Variants in ELAVL3 observed in about 807,000 individuals in gnomAD.
ELAVL3 encodes the protein ELAV-like protein 3.
Under a neutral mutation model 34.2 loss-of-function variants are expected in ELAVL3, and 8 were observed. The ratio of observed to expected loss-of-function variants is 0.23; its 90% CI spans 0.14 to 0.42. The LOEUF (loss-of-function observed/expected upper bound fraction) is 0.42, where lower values mean the gene tolerates loss of function less well. ELAVL3 is among the 10% of genes least tolerant of loss of function. The pLI is 1.00. For missense variants in ELAVL3, 273 were observed against 518.8 expected (o/e 0.53, Z 4.60); for synonymous variants, 209 against 222.1 (o/e 0.94, Z 0.53).
At chr19:11,474,764 A>C (rs2144911831) in intron 1 of ELAVL3, among the ~76,000 whole-genome samples, 1 of 152,246 alleles carries the variant, frequency 6.6e-6, no homozygotes, top group East Asian at 1.9e-4. Context: ...CAATCCTCTC[A>C]TCTCAGCCTC....
At position 11,451,482 on chromosome 19, in the gene ELAVL3, C is replaced by CTTTTG. The variant is rs1417765085; in HGVS notation, c.*3039_*3043dup. ...TGTTGGGTTTTTTTTTTTTTTTTGT[C>CTTTTG]TTTTGTTTTGTCTTTTTTTTTTTTT... On this transcript the variant is annotated 3_prime_UTR_variant, in exon 7 of 7. Transcript: ENST00000359227. The CTTTTG allele has an allele frequency of 1.2e-5, 1 of 82,844 alleles. No homozygotes were observed. Among genetic ancestry groups the CTTTTG allele is most frequent in the African/African-American group, 4.5e-5 (1 of 22,012 alleles). The allele number at this position is 82,844 out of a possible 1,614,324, so 5.1% of individuals were successfully genotyped here.
chr19:11,473,618 A>G (rs1971209383), intron 1 of ELAVL3, among the ~76,000 whole-genome samples: 1 of 152,190 alleles, frequency 6.6e-6, no homozygotes, highest in Non-Finnish European at 1.5e-5. Context: ...ATTCACAACA[A>G]TCCTAAAAAG....
rs1448552959 is a variant in ELAVL3 at position 11,480,784 on chromosome 19, C to T, written c.-176G>A. On this transcript the variant is annotated 5_prime_UTR_variant, in exon 1 of 7. Coordinates refer to ENST00000359227, the MANE Select transcript of ELAVL3 (RefSeq NM_001420.4). This position sits in a 1 kb window ranked among gnomAD's most constrained non-coding sequence, Gnocchi z 6.8. Reference sequence around the variant, plus strand: ...CGAGGGCCAGGGACGGGCCCGAACCCGGGGATGCGCGCGCGGATGGCCGGG... The same window carrying T: ...CGAGGGCCAGGGACGGGCCCGAACCTGGGGATGCGCGCGCGGATGGCCGGG... 1 of 492,662 alleles carries T rather than the reference C, an allele frequency of 2.0e-6. No homozygotes were observed. The highest frequency in any genetic ancestry group is 2.0e-5 in the African/African-American group (1 of 50,006). 30.5% of individuals were successfully genotyped at this position (492,662 alleles called of 1,614,324 possible).
At chr19:11,456,698 C>T (rs1348197155) in intron 6 of ELAVL3, among the ~76,000 whole-genome samples, 1 of 150,780 alleles carries the variant, frequency 6.6e-6, no homozygotes, top group Non-Finnish European at 1.5e-5. Flanking sequence ...AGGTCTCGCT[C>T]TGTCACCCAG....
chr19:11,472,645 G>C (rs1250970914), intron 1 of ELAVL3, among the ~76,000 whole-genome samples: 1 of 151,902 alleles, frequency 6.6e-6, no homozygotes, highest in African/African-American at 2.4e-5. Context: ...AGGTTGCAGT[G>C]AGCCATGATG....
chr19:11,454,340 A>T lies in ELAVL3; in HGVS notation c.*186T>A. The stretch of plus-strand genomic sequence containing the variant: ...GCGGGGGATCCCCGGGCACCCCCCC[A>T]ATTCCCTGCAGACCCTCCCACCCCA... On this transcript the variant is annotated 3_prime_UTR_variant, in exon 7 of 7. Transcript: ENST00000359227. The surrounding 1 kb of genome is among the most constrained non-coding windows in gnomAD (Gnocchi z 9.2). 1 of 610,918 alleles carries T rather than the reference A, an allele frequency of 1.6e-6. No homozygotes were observed. The highest frequency in any genetic ancestry group is 1.8e-5 in the African/African-American group (1 of 54,236). 37.8% of individuals were successfully genotyped at this position (610,918 alleles called of 1,614,324 possible).
Position 11,454,963 on chromosome 19 carries a change from A to C in ELAVL3, c.753-86T>G. The C allele has an allele frequency of 7.1e-7, 1 of 1,417,778 alleles. No individual in the cohort carries two copies. The highest frequency in any genetic ancestry group is 9.5e-7 in the Non-Finnish European group (1 of 1,053,746). 87.8% of individuals were successfully genotyped at this position (1,417,778 alleles called of 1,614,324 possible). On this transcript the variant is annotated intron_variant, in intron 6 of 6. Transcript: ENST00000359227. This position sits in a 1 kb window ranked among gnomAD's most constrained non-coding sequence, Gnocchi z 9.2. ...ACCCTTCACACCTTTATGACCCCTG[A>C]CTGTGCCATGACCTTGGAATGGTGT...
At chr19:11,471,839 T>C (rs1003927851) in intron 1 of ELAVL3, among the ~76,000 whole-genome samples, 7 of 152,206 alleles carry the variant, frequency 4.6e-5, no homozygotes, top group Non-Finnish European at 1.0e-4. Flanking sequence ...CTAGGGCCTC[T>C]GTTTCACTTT....
At chr19:11,465,906 C>G (rs1225001250) in intron 3 of ELAVL3, among the ~76,000 whole-genome samples, 1 of 152,078 alleles carries the variant, frequency 6.6e-6, no homozygotes, top group Admixed American at 6.6e-5. Flanking sequence ...CTCTGCCTTA[C>G]AGGGCCTGGC....
At chr19:11,469,521 C>T (rs1238662848) in intron 1 of ELAVL3, among the ~76,000 whole-genome samples, 7 of 152,086 alleles carry the variant, frequency 4.6e-5, no homozygotes, top group Non-Finnish European at 7.4e-5. Flanking sequence ...CTCAGGTGAT[C>T]CACCCGCCTC....
rs1305873417 is a variant in ELAVL3, at chr19:11,480,871, G to A, written c.-263C>T. 1.1e-5 allele frequency: 4 copies of A among 362,062 alleles called. No homozygotes were observed. The highest frequency in any genetic ancestry group is 4.7e-5 in the Admixed American group (1 of 21,426). The allele number at this position is 362,062 out of a possible 1,614,324, so 22.4% of individuals were successfully genotyped here. On this transcript the variant is annotated 5_prime_UTR_variant, in exon 1 of 7. Coordinates refer to ENST00000359227, the MANE Select transcript of ELAVL3 (RefSeq NM_001420.4). This position sits in a 1 kb window ranked among gnomAD's most constrained non-coding sequence, Gnocchi z 6.8. The stretch of plus-strand genomic sequence containing the variant: ...AGGGAGCGGGCGCGGGGTTGAGGAC[G>A]CCCCCTGCGCGGCCCCGCGGGGCCC...
chr19:11,472,993 G>C (rs113604534), intron 1 of ELAVL3, among the ~76,000 whole-genome samples: 11,731 of 151,478 alleles, frequency 0.077, 827 homozygotes, highest in African/African-American at 0.19. Flanking sequence ...CTTGAATCCG[G>C]GAGGTGGAGA....
Position 11,473,923 on chromosome 19 carries a change from A to G in ELAVL3, c.9+6677T>C, listed in dbSNP as rs75855776. ...GGCCTGGGGTAGTAGCTAAAGCCAT[A>G]TGCTGTAAAGCATCTGGAATTGGTT... On this transcript the variant is annotated intron_variant, in intron 1 of 6. Transcript: ENST00000359227. 6.6e-3 allele frequency among the ~76,000 whole-genome samples: 1,002 copies of G among 152,322 alleles called. 19 individuals are homozygous for G. Among genetic ancestry groups the G allele is most frequent in the East Asian group, 0.054 (279 of 5,194 alleles).
At chr19:11,479,523 A>C (rs1051365872) in intron 1 of ELAVL3, among the ~76,000 whole-genome samples, 3 of 151,436 alleles carry the variant, frequency 2.0e-5, no homozygotes, top group African/African-American at 7.3e-5. Context: ...CGGGGAGCGG[A>C]GTCGCGCGGC....
chr19:11,464,123 G>GTCTCTCTC (rs1165917141), intron 3 of ELAVL3, among the ~76,000 whole-genome samples: 73 of 110,950 alleles, frequency 6.6e-4, no homozygotes, highest in Middle Eastern at 4.4e-3. Flanking sequence ...GTCTCTCTCT[G>GTCTCTCTC]TCTCTCTCTC....
At chr19:11,476,222 G>A (rs923310811) in intron 1 of ELAVL3, among the ~76,000 whole-genome samples, 4 of 152,220 alleles carry the variant, frequency 2.6e-5, no homozygotes, top group Admixed American at 6.5e-5. Flanking sequence ...TTCTCCTGCC[G>A]TTGAACATGA....
chr19:11,478,559 G>A (rs979457590), intron 1 of ELAVL3, among the ~76,000 whole-genome samples: 3 of 152,078 alleles, frequency 2.0e-5, no homozygotes, highest in Non-Finnish European at 4.4e-5. Context: ...TGGAGGGTTA[G>A]GGAAGCTTCC....
chr19:11,480,391 A>C lies in ELAVL3; in HGVS notation c.9+209T>G. The C allele has an allele frequency of 4.2e-6, 2 of 473,282 alleles. No individual in the cohort carries two copies. The highest frequency in any genetic ancestry group is 7.1e-6 in the Non-Finnish European group (2 of 283,682). The allele number at this position is 473,282 out of a possible 1,614,324, so 29.3% of individuals were successfully genotyped here. ...CTCCCGAATCGCAGTCAGTCTCCCT[A>C]AGGCCCTCTCAGACCAAGCTCTAAG... On this transcript the variant is annotated intron_variant, in intron 1 of 6. Transcript: ENST00000359227. This position sits in a 1 kb window ranked among gnomAD's most constrained non-coding sequence, Gnocchi z 6.8.
intron 6 of ELAVL3, among the ~76,000 whole-genome samples, chr19:11,455,150 C>G (rs1209590257): frequency 6.6e-6 from 1 of 151,890 alleles, no homozygotes; most frequent in African/African-American, 2.4e-5. Context: ...AGGCAGGCGC[C>G]CTCACACCCA....
Sources: gnomAD v4.1 joint callset for allele counts (sites outside exome capture counted in the v4.1 genomes callset) on GRCh38, gnomAD v4.1.1 for gene constraint, Gnocchi (gnomAD v3.1) non-coding constraint, MANE v1.5 for transcripts, NCBI Gene and HGNC (gene_info 2026-07-23, HGNC 2026-07-21) for gene names.